Variants in SLC9C1 observed in about 807,000 individuals in gnomAD.
SLC9C1 encodes sodium/hydrogen exchanger 10.
SLC9C1 carries 97 observed loss-of-function variants against 140.9 expected under a neutral mutation model. The observed-to-expected ratio is 0.69, with a 90% CI of 0.58 to 0.82. SLC9C1 has a LOEUF of 0.82. SLC9C1 is among the 40% of genes least tolerant of loss of function. The probability of loss-of-function intolerance (pLI) is 0.00; values close to 1 mark genes in which losing one functional copy is unlikely to be tolerated. For missense variants in SLC9C1, 1,340 were observed against 1,389.3 expected (o/e 0.96, Z 0.56); for synonymous variants, 440 against 442.6 (o/e 0.99, Z 0.07).
intron 28 of SLC9C1, among the ~76,000 whole-genome samples, chr3:112,150,751 A>AATATATATATAAAAATAC (rs1405479437): frequency 2.8e-5 from 4 of 144,064 alleles, no homozygotes; most frequent in African/African-American, 1.0e-4. Context: ...ATATATATAA[A>AATATATATATAAAAATAC]ATATATATAT....
At chr3:112,160,477 A>G (rs1463079482) in intron 26 of SLC9C1, among the ~76,000 whole-genome samples, 1 of 136,118 alleles carries the variant, frequency 7.3e-6, no homozygotes, top group Non-Finnish European at 1.5e-5. Flanking sequence ...TGTCCATGTG[A>G]TCTCATTTTT....
chr3:112,211,664 C>T lies in SLC9C1; in HGVS notation c.1791-3291G>A, dbSNP rs191740069. 5.0e-3 allele frequency among the ~76,000 whole-genome samples: 765 copies of T among 152,296 alleles called. 8 individuals are homozygous for T. The highest frequency in any genetic ancestry group is 0.017 in the African/African-American group (718 of 41,562). On this transcript the variant is annotated intron_variant, in intron 15 of 28. Transcript: ENST00000305815. ...GGCAGCAGCAAGGCTGGGGGAGGGG[C>T]GCCCACCATTGCTGAGGCTTGAGTA...
chr3:112,244,586 T>C (rs1368395905), intron 10 of SLC9C1, among the ~76,000 whole-genome samples: 2 of 152,194 alleles, frequency 1.3e-5, no homozygotes, highest in Non-Finnish European at 2.9e-5. Context: ...ACCCTTTCAT[T>C]GTCAGGAAGA....
At chr3:112,278,167 G>A (rs572795100) in intron 4 of SLC9C1, among the ~76,000 whole-genome samples, 14 of 152,192 alleles carry the variant, frequency 9.2e-5, no homozygotes, top group African/African-American at 3.1e-4. Flanking sequence ...ATGCAGTTTA[G>A]GTAATGGCCT....
intron 14 of SLC9C1, among the ~76,000 whole-genome samples, chr3:112,218,066 G>T (rs1190240936): frequency 2.0e-5 from 3 of 151,904 alleles, no homozygotes; most frequent in Non-Finnish European, 4.4e-5. Context: ...GTAAGGTTTA[G>T]AATGACTAAA....
At chr3:112,252,817 T>C (rs1303105650) in intron 10 of SLC9C1, among the ~76,000 whole-genome samples, 2 of 151,902 alleles carry the variant, frequency 1.3e-5, no homozygotes, top group Admixed American at 6.6e-5. Context: ...CTTTTTTAAG[T>C]GGGTCCATGA....
In SLC9C1 at chr3:112,199,308, T is replaced by C. The variant is rs746100592; in HGVS notation, c.2523+13A>G. ...CAAGTAAATATACTTGCTTTGAAAA[T>C]ATTTTGCCTTACCTTATTAATTCCA... On this transcript the variant is annotated intron_variant, in intron 20 of 28. Transcript: ENST00000305815. 11 of 1,533,112 alleles carry C rather than the reference T, an allele frequency of 7.2e-6. No individual in the cohort carries two copies. The highest frequency in any genetic ancestry group is 1.7e-4 in the Middle Eastern group (1 of 5,782). The allele number at this position is 1,533,112 out of a possible 1,614,324, so 95.0% of individuals were successfully genotyped here. A position where few individuals can be genotyped will look rare whatever the true frequency, so the allele number is the denominator to read the frequency against.
rs1207315644 is a variant in SLC9C1, at chr3:112,239,830, A to G, written c.1446+10T>C. The G allele has an allele frequency of 2.5e-6, 4 of 1,597,564 alleles. No homozygotes were observed. The highest frequency in any genetic ancestry group is 3.4e-6 in the Non-Finnish European group (4 of 1,172,228). ...GCATTAAAGCAATAAAAAAGATATT[A>G]CTTGCTTACCATGTATGGGTTTTCA... On this transcript the variant is annotated intron_variant, in intron 12 of 28. Coordinates refer to ENST00000305815, the MANE Select transcript of SLC9C1 (RefSeq NM_183061.3).
intron 21 of SLC9C1, 138 bp from the exon 22 acceptor site, chr3:112,180,800 A>G (rs2077424910): frequency 1.5e-5 from 10 of 655,434 alleles, no homozygotes; most frequent in Non-Finnish European, 2.6e-6. Flanking sequence ...CAGTGGTGCA[A>G]TCTTGGCTCA....
At chr3:112,205,183 T>C (rs1302089372) in intron 16 of SLC9C1, among the ~76,000 whole-genome samples, 1 of 151,984 alleles carries the variant, frequency 6.6e-6, no homozygotes, top group Non-Finnish European at 1.5e-5. Flanking sequence ...CTCCTTAAGC[T>C]CATAAGCAAC....
intron 28 of SLC9C1, among the ~76,000 whole-genome samples, chr3:112,141,538 A>G (rs2074623079): frequency 6.6e-6 from 1 of 152,176 alleles, no homozygotes; most frequent in Non-Finnish European, 1.5e-5. Flanking sequence ...ATGAACAGGC[A>G]TAGTTTATGG....
intron 2 of SLC9C1, among the ~76,000 whole-genome samples, chr3:112,281,941 A>C (rs758456556): frequency 1.3e-5 from 2 of 152,202 alleles, no homozygotes; most frequent in Non-Finnish European, 2.9e-5. Context: ...GTTGAAGAAG[A>C]AGCCCACAGT....
intron 2 of SLC9C1, among the ~76,000 whole-genome samples, chr3:112,282,377 T>C (rs376313920): frequency 1.7e-4 from 13 of 77,194 alleles, no homozygotes; most frequent in Non-Finnish European, 3.4e-4. Flanking sequence ...ATTTTGCTTG[T>C]TGACTTTCTG....
At chr3:112,241,339 A>G (rs1056583128) in intron 11 of SLC9C1, among the ~76,000 whole-genome samples, 2 of 118,282 alleles carry the variant, frequency 1.7e-5, no homozygotes, top group Non-Finnish European at 3.7e-5. Context: ...AAAAATAAAA[A>G]AGAAGAAAAT....
chr3:112,148,699 T>TA (rs2074874031), intron 28 of SLC9C1, among the ~76,000 whole-genome samples: 1 of 152,202 alleles, frequency 6.6e-6, no homozygotes, highest in African/African-American at 2.4e-5. Context: ...ACTATTGTTT[T>TA]AGGCAATGGG....
intron 15 of SLC9C1, among the ~76,000 whole-genome samples, chr3:112,217,167 G>C (rs1298582181): frequency 2.0e-5 from 3 of 152,086 alleles, no homozygotes; most frequent in Admixed American, 6.5e-5. Flanking sequence ...AGAACACTTG[G>C]ACACATGGTG....
At chr3:112,280,195 T>C (rs1189117933) in intron 3 of SLC9C1, among the ~76,000 whole-genome samples, 1 of 152,258 alleles carries the variant, frequency 6.6e-6, no homozygotes, top group African/African-American at 2.4e-5. Context: ...AGGGCAGATA[T>C]TGGCAAATTA....
Position 112,202,362 on chromosome 3 carries a change from CT to C in SLC9C1, c.2209del (p.Arg737GlufsTer2). 1 of 1,606,440 alleles carries C rather than the reference CT, an allele frequency of 6.2e-7. No homozygotes were observed. Among genetic ancestry groups the C allele is most frequent in the East Asian group, 2.2e-5 (1 of 44,718 alleles). On this transcript the variant is annotated frameshift_variant, in exon 18 of 29. Coordinates refer to ENST00000305815, the MANE Select transcript of SLC9C1 (RefSeq NM_183061.3). LOFTEE classifies it high-confidence loss of function. The part of the protein sequence containing the change: ...APKLLQIIDK[R>X]MSHQKTFWYG... ...CCAAAAGGTCTTCTGATGACTCATT[CT>C]TTTATCTATTATTTGCAGCAACTTT...
intron 23 of SLC9C1, among the ~76,000 whole-genome samples, chr3:112,176,978 A>G (rs1325630198): frequency 8.4e-6 from 1 of 118,578 alleles, no homozygotes; most frequent in Non-Finnish European, 1.8e-5. Flanking sequence ...TGACTTCTTG[A>G]CTCCTGGTGT....
Sources: gnomAD v4.1 joint callset for allele counts (sites outside exome capture counted in the v4.1 genomes callset) on GRCh38, gnomAD v4.1.1 for gene constraint, MANE v1.5 for transcripts, NCBI Gene and HGNC (gene_info 2026-07-23, HGNC 2026-07-21) for gene names.